The following FUT8 variants were observed in gnomAD, a reference collection of about 807,000 sequenced individuals.
FUT8 encodes the protein alpha-(1,6)-fucosyltransferase.
Under a neutral mutation model 71.3 loss-of-function variants are expected in FUT8, and 29 were observed. That is an observed-to-expected ratio of 0.41 (90% confidence interval 0.30 to 0.55). The LOEUF is 0.55. Ranked by LOEUF, FUT8 falls within the 20% of genes least tolerant of loss-of-function variation. FUT8 has a pLI of 0.34. For missense variants in FUT8, 544 were observed against 702.1 expected (o/e 0.77, Z 2.55); for synonymous variants, 254 against 239.3 (o/e 1.06, Z -0.57).
intron 1 of FUT8, among the ~76,000 whole-genome samples, chr14:65,447,486 G>A (rs1288965659): frequency 6.6e-6 from 1 of 151,850 alleles, no homozygotes; most frequent in African/African-American, 2.4e-5. Flanking sequence ...GGATTGGAAA[G>A]GAATGTTTTG....
At chr14:65,361,356 C>CA in the FUT8 span, among the ~76,000 whole-genome samples, 1,497 of 64,774 alleles carry the variant, frequency 0.023, 47 homozygotes, top group East Asian at 0.15. Flanking sequence ...AACTCTGTCT[C>CA]AAAAAAAAAA....
At chr14:65,531,545 T>G (rs544532599) in intron 2 of FUT8, among the ~76,000 whole-genome samples, 9 of 152,286 alleles carry the variant, frequency 5.9e-5, no homozygotes, top group African/African-American at 2.2e-4. Context: ...GGTTGTAATT[T>G]TAGGTGAGAA....
intron 7 of FUT8, among the ~76,000 whole-genome samples, chr14:65,692,050 C>G (rs1335299257): frequency 3.3e-5 from 5 of 151,996 alleles, no homozygotes; most frequent in African/African-American, 1.2e-4. Context: ...TTTTCCCCAC[C>G]TTTCCCCCCT....
chr14:65,738,947 A>G (rs1896360471), intron 10 of FUT8, among the ~76,000 whole-genome samples: 1 of 152,082 alleles, frequency 6.6e-6, no homozygotes, highest in African/African-American at 2.4e-5. Context: ...TGTGGCAGGC[A>G]TTGTTCTAGG....
intron 2 of FUT8, among the ~76,000 whole-genome samples, chr14:65,521,242 A>G (rs1290677435): frequency 1.3e-5 from 2 of 152,160 alleles, no homozygotes; most frequent in Non-Finnish European, 2.9e-5. Context: ...AGAAAAACTG[A>G]AACAAAATGC....
chr14:65,706,859 A>C (rs1370560862), intron 7 of FUT8, among the ~76,000 whole-genome samples: 1 of 152,178 alleles, frequency 6.6e-6, no homozygotes, highest in Non-Finnish European at 1.5e-5. Context: ...AGACTTGAAA[A>C]TGTTCCTGAA....
the FUT8 span, among the ~76,000 whole-genome samples, chr14:65,404,230 G>A: frequency 6.6e-6 from 1 of 151,892 alleles, no homozygotes. Context: ...GGAGTGCAGT[G>A]GTGTGATCTC....
intron 3 of FUT8, among the ~76,000 whole-genome samples, chr14:65,599,901 T>C (rs1246240873): frequency 6.6e-6 from 1 of 152,216 alleles, no homozygotes; most frequent in Non-Finnish European, 1.5e-5. Context: ...CTAACAAAAA[T>C]TCAGTAATCT....
chr14:65,543,920 A>C (rs1471244162), intron 2 of FUT8, among the ~76,000 whole-genome samples: 3 of 152,232 alleles, frequency 2.0e-5, no homozygotes, highest in Non-Finnish European at 4.4e-5. Context: ...ATGCTAAGGT[A>C]GAATAGAAAG....
intron 3 of FUT8, among the ~76,000 whole-genome samples, chr14:65,563,182 G>A (rs1226536121): frequency 1.3e-5 from 2 of 151,910 alleles, no homozygotes; most frequent in African/African-American, 2.4e-5. Context: ...GGTACTCAGG[G>A]AACATCATGG....
intron 3 of FUT8, among the ~76,000 whole-genome samples, chr14:65,594,573 C>T (rs949241980): frequency 6.6e-6 from 1 of 152,138 alleles, no homozygotes; most frequent in African/African-American, 2.4e-5. Flanking sequence ...TTTTGGGTAC[C>T]GGCATGTGGT....
chr14:65,449,307 T>C (rs1265969058), intron 1 of FUT8, among the ~76,000 whole-genome samples: 3 of 152,256 alleles, frequency 2.0e-5, no homozygotes, highest in African/African-American at 7.2e-5. Flanking sequence ...AGTCTTACAA[T>C]GATGAATTCG....
rs962132685 is a variant in FUT8 at position 65,489,653 on chromosome 14, A to T, written c.-228+33935A>T. On this transcript the variant is annotated intron_variant, in intron 2 of 10. Coordinates refer to ENST00000673929, the MANE Select transcript of FUT8 (RefSeq NM_001371533.1). This position sits in a 1 kb window ranked among gnomAD's most constrained non-coding sequence, Gnocchi z 4.0. Reference sequence around the variant, plus strand: ...TAAAAATGAGTCTTAAAATATGTATAGCTTCATTTGTGTTGATTGATGTTG... The same window carrying T: ...TAAAAATGAGTCTTAAAATATGTATTGCTTCATTTGTGTTGATTGATGTTG... Among the ~76,000 whole-genome samples the T allele has an allele frequency of 6.6e-6, 1 of 152,158 alleles. No individual in the cohort carries two copies. The highest frequency in any genetic ancestry group is 2.4e-5 in the African/African-American group (1 of 41,462).
rs553980100 is a variant in FUT8 at position 65,627,261 on chromosome 14, G to C, written c.483-2231G>C. On this transcript the variant is annotated intron_variant, in intron 5 of 10. Transcript: ENST00000673929. The surrounding 1 kb of genome is among the most constrained non-coding windows in gnomAD (Gnocchi z 4.0). The stretch of plus-strand genomic sequence containing the variant: ...TTAGAAAAAAAAAATAAGCAGGGAA[G>C]GAGTGTTAGCAGCAGTGAATCCATA... 6.6e-6 allele frequency among the ~76,000 whole-genome samples: 1 copy of C among 152,174 alleles called. No individual in the cohort carries two copies. The highest frequency in any genetic ancestry group is 2.4e-5 in the African/African-American group (1 of 41,446).
chr14:65,548,188 G>T (rs1885082278), intron 2 of FUT8, among the ~76,000 whole-genome samples: 1 of 151,844 alleles, frequency 6.6e-6, no homozygotes, highest in Admixed American at 6.6e-5. Flanking sequence ...GTATCATTTA[G>T]AATAGTTTCA....
intron 1 of FUT8, among the ~76,000 whole-genome samples, chr14:65,453,657 GA>G (rs1395574107): frequency 1.3e-5 from 2 of 152,172 alleles, no homozygotes; most frequent in African/African-American, 4.8e-5. Context: ...TGGCTGGATG[GA>G]ACTCAGATGT....
At chr14:65,363,276 CAAGCCTGGCTAATTTT>C in the FUT8 span, among the ~76,000 whole-genome samples, 67,016 of 150,510 alleles carry the variant, frequency 0.45, 17,441 homozygotes, top group Non-Finnish European at 0.6. Context: ...TGCCCGCCAC[CAAGCCTGGCTAATTTT>C]TGTATTTTTA....
At chr14:65,587,477 T>C (rs943032075) in intron 3 of FUT8, among the ~76,000 whole-genome samples, 1 of 152,246 alleles carries the variant, frequency 6.6e-6, no homozygotes, top group Non-Finnish European at 1.5e-5. Context: ...AGCAGTGCCA[T>C]ATGTAGCCAC....
chr14:65,536,054 G>A lies in FUT8; in HGVS notation c.-227-25283G>A, dbSNP rs192851783. Among the ~76,000 whole-genome samples, 27 of 152,010 alleles carry A rather than the reference G, an allele frequency of 1.8e-4. 1 individual carries two copies. In the East Asian group the frequency reaches 5.2e-3, roughly 29 times the overall value. On this transcript the variant is annotated intron_variant, in intron 2 of 10. Coordinates refer to ENST00000673929, the MANE Select transcript of FUT8 (RefSeq NM_001371533.1). ...TGTCATGCCCTTTTTTGTCTGTTTTGATCTTTGTTGGCTTAAAATCTGTTT... is the reference window on the plus strand; with the variant it reads ...TGTCATGCCCTTTTTTGTCTGTTTTAATCTTTGTTGGCTTAAAATCTGTTT...
Sources: allele counts gnomAD v4.1 joint callset (sites outside exome capture counted in the v4.1 genomes callset), GRCh38; gene constraint gnomAD v4.1.1; non-coding constraint Gnocchi (gnomAD v3.1); transcripts MANE v1.5; gene names NCBI Gene and HGNC (gene_info 2026-07-23, HGNC 2026-07-21).